The following ARPP19 variants were observed in gnomAD, a reference collection of about 807,000 sequenced individuals.
The protein encoded by ARPP19 is cAMP-regulated phosphoprotein 19.
Under a neutral mutation model 12.0 loss-of-function variants are expected in ARPP19, and 8 were observed. That is an observed-to-expected ratio of 0.67 (90% CI 0.39 to 1.21). ARPP19 has a LOEUF of 1.21. ARPP19 is among the 50% of genes most tolerant of loss of function. The pLI is 0.01. For missense variants in ARPP19, 102 were observed against 136.3 expected (o/e 0.75, Z 1.25); for synonymous variants, 47 against 50.4 (o/e 0.93, Z 0.29).
chr15:52,569,399 T>C (rs186111912), upstream of ARPP19, among the ~76,000 whole-genome samples: 1 of 152,370 alleles, frequency 6.6e-6, no homozygotes, highest in East Asian at 1.9e-4. Context: ...GCCAAAAGTC[T>C]TGCTCCACTC....
chr15:52,555,899 A>T (rs2077977327), intron 2 of ARPP19, among the ~76,000 whole-genome samples: 1 of 152,044 alleles, frequency 6.6e-6, no homozygotes, highest in East Asian at 1.9e-4. Flanking sequence ...AAAATCCTTT[A>T]TCCAGGAGCA....
intron 1 of ARPP19, among the ~76,000 whole-genome samples, chr15:52,560,647 C>G (rs1372137422): frequency 6.6e-6 from 1 of 152,242 alleles, no homozygotes; most frequent in African/African-American, 2.4e-5. Flanking sequence ...TTCTACAGAG[C>G]TAGGCAGTTC....
chr15:52,551,882 T>C lies in ARPP19; in HGVS notation c.*52A>G, dbSNP rs369826005. 8.4e-5 allele frequency: 113 copies of C among 1,350,822 alleles called. 1 individual carries two copies. The highest frequency in any genetic ancestry group is 3.7e-4 in the Middle Eastern group (2 of 5,446). 83.7% of individuals were successfully genotyped at this position (1,350,822 alleles called of 1,614,324 possible). A position where few individuals can be genotyped will look rare whatever the true frequency, so the allele number is the denominator to read the frequency against. On this transcript the variant is annotated 3_prime_UTR_variant, in exon 3 of 3. Coordinates refer to ENST00000249822, the MANE Select transcript of ARPP19 (RefSeq NM_006628.6). ...GGAAATAAAAAGTAGATAAGTAACA[T>C]ATTAAGGAGAAATAATGAGATTTAG...
Position 52,550,569 on chromosome 15 carries a change from A to G in ARPP19, c.*1365T>C, listed in dbSNP as rs1474283228. ...AGGAGTAAGGTTGCAGTGAGCTGTG[A>G]TTGCACTACTGCACTAGAGCTCAGG... is the stretch of plus-strand genomic sequence containing the variant. On this transcript the variant is annotated 3_prime_UTR_variant, in exon 3 of 3. Transcript: ENST00000249822. 1 of 152,168 alleles carries G rather than the reference A, an allele frequency of 6.6e-6. No homozygotes were observed. Among genetic ancestry groups the G allele is most frequent in the Non-Finnish European group, 1.5e-5 (1 of 68,026 alleles). The allele number at this position is 152,168 out of a possible 1,614,324, so 9.4% of individuals were successfully genotyped here.
chr15:52,568,570 G>A lies in ARPP19; in HGVS notation c.45+278C>T, dbSNP rs913103193. The A allele has an allele frequency of 1.7e-5, 7 of 415,856 alleles. No individual in the cohort carries two copies. In the Admixed American group the frequency reaches 1.9e-4, roughly 11 times the overall value. The allele number at this position is 415,856 out of a possible 1,614,324, so 25.8% of individuals were successfully genotyped here. On this transcript the variant is annotated intron_variant, in intron 1 of 2. Coordinates refer to ENST00000249822, the MANE Select transcript of ARPP19 (RefSeq NM_006628.6). ...CTTAGGCTCTACGCCCAAAGCCTGC[G>A]TCCTGGGCTCTCGCGTAAATATAAG...
chr15:52,563,724 C>G (rs57187323), intron 1 of ARPP19, among the ~76,000 whole-genome samples: 16,954 of 152,214 alleles, frequency 0.11, 1,431 homozygotes, highest in East Asian at 0.47. Flanking sequence ...AATCTGACCA[C>G]TCTAAGCAAA....
At chr15:52,563,126 T>C (rs1417810564) in intron 1 of ARPP19, among the ~76,000 whole-genome samples, 2 of 152,084 alleles carry the variant, frequency 1.3e-5, no homozygotes, top group Non-Finnish European at 2.9e-5. Flanking sequence ...CATCTGCCTC[T>C]GCCTCCCAAA....
At position 52,550,908 on chromosome 15, in the gene ARPP19, A is replaced by G. The variant is rs1311910823; in HGVS notation, c.*1026T>C. 6.5e-6 allele frequency: 1 copy of G among 152,692 alleles called. No individual in the cohort carries two copies. Among genetic ancestry groups the G allele is most frequent in the Non-Finnish European group, 1.5e-5 (1 of 68,042 alleles). The allele number at this position is 152,692 out of a possible 1,614,324, so 9.5% of individuals were successfully genotyped here. A position where few individuals can be genotyped will look rare whatever the true frequency, so the allele number is the denominator to read the frequency against. On this transcript the variant is annotated 3_prime_UTR_variant, in exon 3 of 3. Transcript: ENST00000249822. The stretch of plus-strand genomic sequence containing the variant: ...TGAATTGCAACTTTCATAAAAATCA[A>G]AATGAAAGGTTCTGCATAGGACAAA...
At chr15:52,564,676 T>A (rs895010864) in intron 1 of ARPP19, among the ~76,000 whole-genome samples, 1 of 152,078 alleles carries the variant, frequency 6.6e-6, no homozygotes, top group African/African-American at 2.4e-5. Context: ...CCAAGACATA[T>A]TAGTTTGGTG....
At chr15:52,558,965 T>G (rs966347033) in intron 1 of ARPP19, among the ~76,000 whole-genome samples, 10 of 152,070 alleles carry the variant, frequency 6.6e-5, no homozygotes, top group African/African-American at 2.4e-4. Flanking sequence ...CATCCAGCTC[T>G]CATACATGTT....
chr15:52,558,736 C>A (rs2078005803), intron 1 of ARPP19, among the ~76,000 whole-genome samples: 2 of 148,094 alleles, frequency 1.4e-5, no homozygotes, highest in South Asian at 2.1e-4. Flanking sequence ...GAAAAAAAAA[C>A]TTCATAAAAT....
At position 52,552,141 on chromosome 15, in the gene ARPP19, T is replaced by C. The variant is rs763964968; in HGVS notation, c.169-37A>G. ...AACAAAAAAAATTCAGATTAGAGCTTAGCAATTACTGATTTAAGATGTCGA... is the reference window on the plus strand; with the variant it reads ...AACAAAAAAAATTCAGATTAGAGCTCAGCAATTACTGATTTAAGATGTCGA... On this transcript the variant is annotated intron_variant, in intron 2 of 2. Coordinates refer to ENST00000249822, the MANE Select transcript of ARPP19 (RefSeq NM_006628.6). 21 of 1,286,476 alleles carry C rather than the reference T, an allele frequency of 1.6e-5. No individual in the cohort carries two copies. In the East Asian group the frequency reaches 4.9e-4, roughly 30 times the overall value. 79.7% of individuals were successfully genotyped at this position (1,286,476 alleles called of 1,614,324 possible). A position where few individuals can be genotyped will look rare whatever the true frequency, so the allele number is the denominator to read the frequency against.
chr15:52,569,122 C>G, upstream of ARPP19: 1 of 531,546 alleles, frequency 1.9e-6, no homozygotes, highest in Non-Finnish European at 3.3e-6. Flanking sequence ...CTACTTGACC[C>G]CGCTTCTCCC....
intron 1 of ARPP19, among the ~76,000 whole-genome samples, chr15:52,561,763 C>A (rs1393995025): frequency 4.0e-5 from 6 of 150,708 alleles, no homozygotes; most frequent in African/African-American, 1.5e-4. Context: ...CCATTTAAAT[C>A]CAGTGGCTGG....
At position 52,548,708 on chromosome 15, in the gene ARPP19, C is replaced by T. The variant is rs963011179; in HGVS notation, c.*3226G>A. The T allele has an allele frequency of 6.6e-6, 1 of 152,424 alleles. No individual in the cohort carries two copies. Among genetic ancestry groups the T allele is most frequent in the African/African-American group, 2.4e-5 (1 of 41,438 alleles). 9.4% of individuals were successfully genotyped at this position (152,424 alleles called of 1,614,324 possible). On this transcript the variant is annotated 3_prime_UTR_variant, in exon 3 of 3. Transcript: ENST00000249822. Reference sequence around the variant, plus strand: ...TACTATCTGAGGTTTCAGGCATCCACTAGGGGTCTTGGAATGTATCTCTTA... The same window carrying T: ...TACTATCTGAGGTTTCAGGCATCCATTAGGGGTCTTGGAATGTATCTCTTA...
At chr15:52,562,071 C>A (rs1207516012) in intron 1 of ARPP19, among the ~76,000 whole-genome samples, 1 of 151,714 alleles carries the variant, frequency 6.6e-6, no homozygotes, top group Non-Finnish European at 1.5e-5. Context: ...AGCCACTGTG[C>A]CACTAATAAA....
At position 52,550,553 on chromosome 15, in the gene ARPP19, G is replaced by A. The variant is rs1159450406; in HGVS notation, c.*1381C>T. Reference sequence around the variant, plus strand: ...TAGTTAACTTGAGCCTAGGAGTAAGGTTGCAGTGAGCTGTGATTGCACTAC... The same window carrying A: ...TAGTTAACTTGAGCCTAGGAGTAAGATTGCAGTGAGCTGTGATTGCACTAC... On this transcript the variant is annotated 3_prime_UTR_variant, in exon 3 of 3. Transcript: ENST00000249822. The A allele has an allele frequency of 6.6e-6, 1 of 152,116 alleles. No homozygotes were observed. The highest frequency in any genetic ancestry group is 1.5e-5 in the Non-Finnish European group (1 of 68,030). The allele number at this position is 152,116 out of a possible 1,614,324, so 9.4% of individuals were successfully genotyped here.
chr15:52,568,589 A>G (rs1296272205), intron 1 of ARPP19: 3 of 438,534 alleles, frequency 6.8e-6, no homozygotes, highest in South Asian at 4.8e-5. Context: ...TCTCGCGTAA[A>G]TATAAGTGAC....
intron 1 of ARPP19, chr15:52,568,551 C>G (rs956122452): frequency 1.1e-5 from 4 of 373,030 alleles, no homozygotes; most frequent in African/African-American, 8.5e-5. Context: ...AAAACTTAGG[C>G]TCTACGCCCA....
Sources: gnomAD v4.1 joint callset for allele counts (sites outside exome capture counted in the v4.1 genomes callset) on GRCh38, gnomAD v4.1.1 for gene constraint, MANE v1.5 for transcripts, NCBI Gene and HGNC (gene_info 2026-07-23, HGNC 2026-07-21) for gene names.